Variants in TTLL7 observed in about 807,000 individuals in gnomAD.
The protein encoded by TTLL7 is tubulin tyrosine ligase like 7.
Under a neutral mutation model 120.2 loss-of-function variants are expected in TTLL7, and 53 were observed. That is an observed-to-expected ratio of 0.44 (90% CI 0.35 to 0.55). TTLL7 has a LOEUF of 0.55. Ranked by LOEUF, TTLL7 falls within the 20% of genes least tolerant of loss-of-function variation. The pLI, the probability that TTLL7 is intolerant of heterozygous loss-of-function variation, is 0.00. For missense variants in TTLL7, 803 were observed against 1,054.7 expected (o/e 0.76, Z 3.31); for synonymous variants, 353 against 351.7 (o/e 1.00, Z -0.04).
chr1:83,904,294 C>A, intron 17 of TTLL7, 135 bp from the exon 18 acceptor site: 3 of 638,048 alleles, frequency 4.7e-6, no homozygotes, highest in Non-Finnish European at 8.0e-6. Flanking sequence ...GCAAAGATTT[C>A]TAATACAAAT....
chr1:83,898,373 C>A (rs748701434), intron 18 of TTLL7, among the ~76,000 whole-genome samples: 1 of 151,958 alleles, frequency 6.6e-6, no homozygotes, highest in Non-Finnish European at 1.5e-5. Context: ...TGATGTCTCA[C>A]TTAAGCACAA....
chr1:83,941,434 C>A (rs1396053190), intron 7 of TTLL7, among the ~76,000 whole-genome samples: 1 of 152,178 alleles, frequency 6.6e-6, no homozygotes, highest in African/African-American at 2.4e-5. Flanking sequence ...AATAATGTTT[C>A]TTTCTTTTAA....
rs1654533332 is a variant in TTLL7, at chr1:83,881,999, A to C, written c.2543+964T>G. On this transcript the variant is annotated intron_variant, in intron 20 of 20. Transcript: ENST00000260505. ...AAACTATCACAAGAACAAAAAACCA[A>C]ACACCGCATATTCTCACTCATAGGT... is the stretch of plus-strand genomic sequence containing the variant. Among the ~76,000 whole-genome samples the C allele has an allele frequency of 2.0e-5, 3 of 149,586 alleles. No homozygotes were observed. In the South Asian group the frequency reaches 6.4e-4, roughly 32 times the overall value.
At chr1:83,897,572 T>G (rs1656348053) in intron 18 of TTLL7, among the ~76,000 whole-genome samples, 1 of 152,088 alleles carries the variant, frequency 6.6e-6, no homozygotes, top group Admixed American at 6.6e-5. Context: ...CACTGCAATA[T>G]TCAAACCATG....
At chr1:83,923,321 GA>G (rs1658837830) in intron 10 of TTLL7, among the ~76,000 whole-genome samples, 1 of 149,096 alleles carries the variant, frequency 6.7e-6, no homozygotes, top group African/African-American at 2.5e-5. Context: ...AAATAGAAAT[GA>G]AAAGAGGAAT....
chr1:83,918,449 A>C (rs1185635261), intron 13 of TTLL7, among the ~76,000 whole-genome samples: 3 of 152,180 alleles, frequency 2.0e-5, no homozygotes, highest in South Asian at 2.1e-4. Context: ...ATTCTAGAAA[A>C]GGTTTTTGAA....
chr1:83,993,828 A>G (rs1218172317), intron 1 of TTLL7, among the ~76,000 whole-genome samples: 1 of 152,222 alleles, frequency 6.6e-6, no homozygotes, highest in African/African-American at 2.4e-5. Context: ...GGCTCTGTCA[A>G]CTACTGTGTG....
chr1:83,986,116 A>T lies in TTLL7; in HGVS notation c.-177+12815T>A, dbSNP rs1228389236. The stretch of plus-strand genomic sequence containing the variant: ...CAAAGAAGCACCAGAAAAAGAAACT[A>T]CAGACCAATATATTTCATTCACTTA... On this transcript the variant is annotated intron_variant, in intron 1 of 20. Coordinates refer to ENST00000260505, the MANE Select transcript of TTLL7 (RefSeq NM_024686.6). Among the ~76,000 whole-genome samples the T allele has an allele frequency of 6.6e-5, 10 of 152,254 alleles. No individual in the cohort carries two copies. In the East Asian group the frequency reaches 1.9e-3, roughly 29 times the overall value.
At chr1:83,957,860 T>C (rs1408868655) in intron 1 of TTLL7, among the ~76,000 whole-genome samples, 3 of 152,210 alleles carry the variant, frequency 2.0e-5, no homozygotes, top group Admixed American at 1.3e-4. Context: ...CTAATTGTCT[T>C]GAGCCTTTTT....
intron 20 of TTLL7, among the ~76,000 whole-genome samples, chr1:83,877,071 G>A (rs1022662535): frequency 3.3e-5 from 5 of 151,898 alleles, no homozygotes; most frequent in Non-Finnish European, 7.4e-5. Context: ...TATCTTTTCT[G>A]TCTAGCTACT....
chr1:83,911,133 T>C lies in TTLL7; in HGVS notation c.1786+32A>G, dbSNP rs148778581. 2,096 of 1,539,710 alleles carry C rather than the reference T, an allele frequency of 1.4e-3. 33 individuals are homozygous for C. In the African/African-American group the frequency reaches 0.026, roughly 19 times the overall value. ...ATAATTTCAGTTCCATAATTCTTTA[T>C]ATAACATCTAAATTAGAAGAAATTG... On this transcript the variant is annotated intron_variant, in intron 15 of 20. Coordinates refer to ENST00000260505, the MANE Select transcript of TTLL7 (RefSeq NM_024686.6).
Position 83,937,991 on chromosome 1 carries a change from T to A in TTLL7, c.749A>T (p.Asn250Ile). Residue 250 changes from asparagine (N) to isoleucine (I), a missense_variant, in exon 8 of 21, where the codon AAC becomes ATC. Coordinates refer to ENST00000260505, the MANE Select transcript of TTLL7 (RefSeq NM_024686.6). ...CTCATTATGCTTGTTCACGGAGTAGTTTGTCAGATGCATGTATAACTGGGT... is the reference window on the plus strand; with the variant it reads ...CTCATTATGCTTGTTCACGGAGTAGATTGTCAGATGCATGTATAACTGGGT... Reference protein sequence around the residue: ...NLTQLYMHLTNYSVNKHNEHF... With the variant: ...NLTQLYMHLTIYSVNKHNEHF... 1 of 1,614,040 alleles carries A rather than the reference T, an allele frequency of 6.2e-7. No homozygotes were observed. Among genetic ancestry groups the A allele is most frequent in the Non-Finnish European group, 8.5e-7 (1 of 1,179,916 alleles).
intron 18 of TTLL7, among the ~76,000 whole-genome samples, chr1:83,900,777 A>G (rs1309385239): frequency 6.6e-6 from 1 of 152,046 alleles, no homozygotes; most frequent in Non-Finnish European, 1.5e-5. Context: ...TGTCATTTTA[A>G]TAGATACTAC....
In TTLL7 at chr1:83,951,893, T is replaced by A. The variant is rs1203872947; in HGVS notation, c.109A>T (p.Lys37Ter). Reference protein sequence around the residue: ...TMKRKVRKKKKKGTITANVAG... With the variant: ...TMKRKVRKKK Reference sequence around the variant, plus strand: ...ACATTTGCTGTAATGGTTCCCTTCTTTTTCTTCTTTCTGACTTTCCTTTTC... The same window carrying A: ...ACATTTGCTGTAATGGTTCCCTTCTATTTCTTCTTTCTGACTTTCCTTTTC... Residue 37 changes from lysine (K) to a stop codon, truncating the protein, a stop_gained, in exon 3 of 21, where the codon AAG (lysine) becomes TAG (stop). Transcript: ENST00000260505. LOFTEE classifies it high-confidence loss of function. 2 of 1,613,646 alleles carry A rather than the reference T, an allele frequency of 1.2e-6. No individual in the cohort carries two copies. The highest frequency in any genetic ancestry group is 1.7e-6 in the Non-Finnish European group (2 of 1,179,830).
At chr1:83,988,693 T>C (rs1316130724) in intron 1 of TTLL7, among the ~76,000 whole-genome samples, 1 of 152,102 alleles carries the variant, frequency 6.6e-6, no homozygotes, top group Non-Finnish European at 1.5e-5. Context: ...TTTTGAGAAG[T>C]GTCTGTTCGT....
At chr1:83,954,808 T>TA (rs1649366722) in intron 1 of TTLL7, among the ~76,000 whole-genome samples, 1 of 142,062 alleles carries the variant, frequency 7.0e-6, no homozygotes, top group African/African-American at 2.6e-5. Flanking sequence ...ATAACTTTTT[T>TA]AAAAAGACCA....
chr1:83,927,316 G>A (rs1310253830), intron 10 of TTLL7, among the ~76,000 whole-genome samples: 1 of 152,110 alleles, frequency 6.6e-6, no homozygotes, highest in Non-Finnish European at 1.5e-5. Context: ...CACCACAGAG[G>A]ATAAGAGAGT....
At chr1:83,989,764 C>A (rs1652812946) in intron 1 of TTLL7, among the ~76,000 whole-genome samples, 1 of 152,084 alleles carries the variant, frequency 6.6e-6, no homozygotes, top group African/African-American at 2.4e-5. Flanking sequence ...CTGCTTTGGG[C>A]AGTATGGCCA....
At chr1:83,886,708 T>C (rs1655004441) in intron 19 of TTLL7, among the ~76,000 whole-genome samples, 1 of 151,948 alleles carries the variant, frequency 6.6e-6, no homozygotes, top group Non-Finnish European at 1.5e-5. Flanking sequence ...GGATTTTGAG[T>C]GGAGATGGGG....
Sources: gnomAD v4.1 joint callset for allele counts (sites outside exome capture counted in the v4.1 genomes callset) on GRCh38, gnomAD v4.1.1 for gene constraint, MANE v1.5 for transcripts, NCBI Gene and HGNC (gene_info 2026-07-23, HGNC 2026-07-21) for gene names.